The following ZDHHC17 variants were observed in gnomAD, a reference collection of about 807,000 sequenced individuals.
ZDHHC17 encodes the protein zDHHC palmitoyltransferase 17.
A neutral mutation model predicts 90.3 loss-of-function variants in ZDHHC17; 40 were observed. The observed-to-expected ratio is 0.44, with a 90% confidence interval of 0.34 to 0.58. ZDHHC17 has a LOEUF of 0.58. ZDHHC17 is among the 20% of genes least tolerant of loss of function. The pLI is 0.01. For synonymous variants in ZDHHC17, 235 were observed against 252.4 expected, an observed-to-expected ratio of 0.93 and a Z score of 0.65; for missense variants, 614 against 780.8, an observed-to-expected ratio of 0.79 and a Z score of 2.55.
chr12:76,765,199 G>A (rs1266046043), intron 1 of ZDHHC17, among the ~76,000 whole-genome samples: 1 of 152,190 alleles, frequency 6.6e-6, no homozygotes, highest in Non-Finnish European at 1.5e-5. Context: ...GTTTTCATGA[G>A]GTTAAAAGAT....
At chr12:76,837,369 C>A (rs912372678) in intron 10 of ZDHHC17, among the ~76,000 whole-genome samples, 4 of 152,098 alleles carry the variant, frequency 2.6e-5, no homozygotes, top group Non-Finnish European at 5.9e-5. Flanking sequence ...GTGGTGCGTG[C>A]CTATAGTCCC....
intron 2 of ZDHHC17, among the ~76,000 whole-genome samples, chr12:76,798,411 T>C (rs1479512415): frequency 1.3e-5 from 2 of 152,176 alleles, no homozygotes; most frequent in Admixed American, 1.3e-4. Context: ...TCTTGAGCTT[T>C]AAGAATTGTC....
In ZDHHC17 at chr12:76,849,465, A is replaced by G. The variant is rs1248211588; in HGVS notation, c.1755A>G (p.Pro585=). The part of the protein sequence containing the change: ...FKVTTTSIES[P]FNHGCVRNII... Reference sequence around the variant, plus strand: ...TCACAACAACGTCTATTGAAAGCCCATTCAAGTATGTACATATTTATAAAT... The same window carrying G: ...TCACAACAACGTCTATTGAAAGCCCGTTCAAGTATGTACATATTTATAAAT... The change falls in exon 16 of 17, where the codon CCA becomes CCG. Residue 585 remains proline, a synonymous_variant. Coordinates refer to ENST00000426126, the MANE Select transcript of ZDHHC17 (RefSeq NM_015336.4). 3 of 1,530,708 alleles carry G rather than the reference A, an allele frequency of 2.0e-6. No individual in the cohort carries two copies. Among genetic ancestry groups the G allele is most frequent in the African/African-American group, 1.4e-5 (1 of 71,752 alleles). 94.8% of individuals were successfully genotyped at this position (1,530,708 alleles called of 1,614,324 possible).
chr12:76,798,515 A>G (rs1388701785), intron 2 of ZDHHC17, among the ~76,000 whole-genome samples: 2 of 152,008 alleles, frequency 1.3e-5, no homozygotes, highest in African/African-American at 4.8e-5. Context: ...GTTTGAGACC[A>G]GCTTGGGCAA....
At chr12:76,815,024 A>G (rs780055840) in intron 5 of ZDHHC17, 122 bp from the exon 6 acceptor site, 37 of 543,546 alleles carry the variant, frequency 6.8e-5, no homozygotes, top group Non-Finnish European at 9.9e-5. Context: ...TTCATACATT[A>G]TCCTTGATTG....
At position 76,779,689 on chromosome 12, in the gene ZDHHC17, G is replaced by A. The variant is rs547172309; in HGVS notation, c.93+15360G>A. Among the ~76,000 whole-genome samples, 71 of 152,232 alleles carry A rather than the reference G, an allele frequency of 4.7e-4. No homozygotes were observed. The South Asian group carries it at 0.014, about 30-fold the overall frequency. On this transcript the variant is annotated intron_variant, in intron 1 of 16. Transcript: ENST00000426126. Reference sequence around the variant, plus strand: ...GTTTTAATTTTGATGAAGTCTATTCGACCAATTTTTCCTTTTATGAATTGT... The same window carrying A: ...GTTTTAATTTTGATGAAGTCTATTCAACCAATTTTTCCTTTTATGAATTGT...
intron 1 of ZDHHC17, among the ~76,000 whole-genome samples, chr12:76,778,326 T>C (rs185422203): frequency 7.9e-5 from 12 of 152,264 alleles, no homozygotes; most frequent in Admixed American, 5.2e-4. Flanking sequence ...ATTCTTCTAC[T>C]CTCCTGCCTT....
chr12:76,771,992 A>G (rs1026110650), intron 1 of ZDHHC17, among the ~76,000 whole-genome samples: 2 of 152,206 alleles, frequency 1.3e-5, no homozygotes, highest in Non-Finnish European at 2.9e-5. Flanking sequence ...ATTTTCTCCA[A>G]ATGCAGACCA....
chr12:76,826,861 T>C, intron 8 of ZDHHC17, 47 bp from the exon 9 acceptor site: 10 of 1,477,686 alleles, frequency 6.8e-6, no homozygotes, highest in Non-Finnish European at 8.9e-6. Context: ...CAGATTGAGA[T>C]TACTTGAAAC....
chr12:76,825,663 AC>A (rs1953221816), intron 8 of ZDHHC17, among the ~76,000 whole-genome samples: 1 of 138,978 alleles, frequency 7.2e-6, no homozygotes, highest in Non-Finnish European at 1.6e-5. Flanking sequence ...ATTGGGGAAG[AC>A]ATGGTCATTT....
At chr12:76,777,805 A>G (rs1406990797) in intron 1 of ZDHHC17, among the ~76,000 whole-genome samples, 1 of 152,048 alleles carries the variant, frequency 6.6e-6, no homozygotes, top group African/African-American at 2.4e-5. Context: ...CCTAGCAGGG[A>G]TTGGGGAACT....
chr12:76,769,154 G>GTTCAAGCGATTCTCCTGCA (rs1952464321), intron 1 of ZDHHC17: 1 of 329,664 alleles, frequency 3.0e-6, no homozygotes, highest in Admixed American at 3.6e-5. Context: ...AGCCTCCTGC[G>GTTCAAGCGATTCTCCTGCA]TTCAAGCGAT....
At position 76,852,784 on chromosome 12, in the gene ZDHHC17, A is replaced by G. The variant is rs1239480477; in HGVS notation, c.*1799A>G. Reference sequence around the variant, plus strand: ...ATTGGCATATGTACTTTATTTTTGAAAAGGGAAGAGATGGGTGTGGGGTGG... The same window carrying G: ...ATTGGCATATGTACTTTATTTTTGAGAAGGGAAGAGATGGGTGTGGGGTGG... On this transcript the variant is annotated 3_prime_UTR_variant, in exon 17 of 17. Coordinates refer to ENST00000426126, the MANE Select transcript of ZDHHC17 (RefSeq NM_015336.4). The G allele has an allele frequency of 6.6e-6, 1 of 152,584 alleles. No individual in the cohort carries two copies. The highest frequency in any genetic ancestry group is 2.4e-5 in the African/African-American group (1 of 41,446). The allele number at this position is 152,584 out of a possible 1,614,324, so 9.5% of individuals were successfully genotyped here. A position where few individuals can be genotyped will look rare whatever the true frequency, so the allele number is the denominator to read the frequency against.
chr12:76,837,779 C>G (rs1418459471), intron 10 of ZDHHC17, among the ~76,000 whole-genome samples: 1 of 151,908 alleles, frequency 6.6e-6, no homozygotes, highest in African/African-American at 2.4e-5. Context: ...TTATCTTTGT[C>G]ATCTGTGTTC....
chr12:76,801,971 A>G (rs1236929969), intron 2 of ZDHHC17, among the ~76,000 whole-genome samples: 2 of 152,376 alleles, frequency 1.3e-5, no homozygotes, highest in African/African-American at 4.8e-5. Flanking sequence ...AGTAGAAAAC[A>G]AAAAGCGGAG....
At chr12:76,804,845 C>G (rs1952937096) in intron 2 of ZDHHC17, among the ~76,000 whole-genome samples, 1 of 152,200 alleles carries the variant, frequency 6.6e-6, no homozygotes, top group Admixed American at 6.5e-5. Flanking sequence ...TTTCGCCTTT[C>G]CTCGTGCCTC....
At chr12:76,821,381 G>A (rs1002874807) in intron 7 of ZDHHC17, among the ~76,000 whole-genome samples, 3 of 152,042 alleles carry the variant, frequency 2.0e-5, no homozygotes. Flanking sequence ...TGGCAGTGGT[G>A]TGTTTTATTT....
intron 1 of ZDHHC17, chr12:76,764,931 G>GT (rs2137701313): frequency 4.5e-6 from 2 of 445,338 alleles, no homozygotes; most frequent in Non-Finnish European, 9.1e-6. Context: ...ACTCACATTA[G>GT]CTTGTCAAAG....
At position 76,784,092 on chromosome 12, in the gene ZDHHC17, A is replaced by G. The variant is rs11115357; in HGVS notation, c.94-13342A>G. Among the ~76,000 whole-genome samples, 1,262 of 152,358 alleles carry G rather than the reference A, an allele frequency of 8.3e-3. 19 individuals are homozygous for G. Among genetic ancestry groups the G allele is most frequent in the African/African-American group, 0.029 (1,186 of 41,590 alleles). The stretch of plus-strand genomic sequence containing the variant: ...TAAACCACTAAATTTGTGGCGATTT[A>G]TTAGAGCAACAGTACTAAACTAAAC... On this transcript the variant is annotated intron_variant, in intron 1 of 16. Transcript: ENST00000426126.
Sources: allele counts gnomAD v4.1 joint callset (sites outside exome capture counted in the v4.1 genomes callset), GRCh38; gene constraint gnomAD v4.1.1; transcripts MANE v1.5; gene names NCBI Gene and HGNC (gene_info 2026-07-23, HGNC 2026-07-21).